The following ENOX1 variants were observed in gnomAD, a reference collection of about 807,000 sequenced individuals.
ENOX1 encodes the protein candidate growth-related and time keeping constitutive hydroquinone (NADH) oxidase.
A neutral mutation model predicts 82.5 loss-of-function variants in ENOX1; 42 were observed. The ratio of observed to expected loss-of-function variants is 0.51; its 90% confidence interval spans 0.40 to 0.66. The LOEUF (loss-of-function observed/expected upper bound fraction) is 0.66. Ranked by LOEUF, ENOX1 falls within the 30% of genes least tolerant of loss-of-function variation. ENOX1 has a pLI of 0.00. For synonymous variants in ENOX1, 271 were observed against 282.2 expected (o/e 0.96, Z 0.40); for missense variants, 608 against 811.6 (o/e 0.75, Z 3.05).
intron 10 of ENOX1, 47 bp downstream of exon 10, chr13:43,326,372 A>G (rs763791426): frequency 2.0e-6 from 3 of 1,533,934 alleles, no homozygotes; most frequent in Middle Eastern, 1.7e-4. Context: ...TTCTCTGCCA[A>G]TCCAGCTGTG....
chr13:43,295,629 T>C lies in ENOX1; in HGVS notation c.1446+2717A>G, dbSNP rs188775711. On this transcript the variant is annotated intron_variant, in intron 12 of 16. Transcript: ENST00000690772. Reference sequence around the variant, plus strand: ...CAGAAATAATTTCCCAAACATAGACTGGAAATGGTGACATATGGGAGGCTG... The same window carrying C: ...CAGAAATAATTTCCCAAACATAGACCGGAAATGGTGACATATGGGAGGCTG... Among the ~76,000 whole-genome samples the C allele has an allele frequency of 2.4e-3, 372 of 152,314 alleles. 1 individual carries two copies. Among genetic ancestry groups the C allele is most frequent in the Non-Finnish European group, 4.0e-3 (271 of 68,032 alleles).
chr13:43,708,194 T>A (rs1053281262), intron 1 of ENOX1, among the ~76,000 whole-genome samples: 3 of 152,312 alleles, frequency 2.0e-5, no homozygotes, highest in Admixed American at 6.5e-5. Flanking sequence ...TAGGAACATT[T>A]GTCTGGTGAG....
chr13:43,434,635 T>C (rs527934178), intron 3 of ENOX1, among the ~76,000 whole-genome samples: 10 of 152,324 alleles, frequency 6.6e-5, no homozygotes, highest in African/African-American at 2.4e-4. Flanking sequence ...CTTTGAGTCA[T>C]GTGAAATTGA....
intron 2 of ENOX1, among the ~76,000 whole-genome samples, chr13:43,574,840 C>T (rs1368958181): frequency 2.6e-5 from 4 of 152,200 alleles, no homozygotes; most frequent in African/African-American, 9.7e-5. Flanking sequence ...CAGCGAGACA[C>T]TGGGTGTGTA....
intron 3 of ENOX1, among the ~76,000 whole-genome samples, chr13:43,470,329 TGTATATATATAC>T (rs2057971824): frequency 4.9e-5 from 3 of 61,122 alleles, no homozygotes; most frequent in South Asian, 6.6e-4. Flanking sequence ...CATATATATA[TGTATATATATAC>T]GTATATATAT....
At chr13:43,376,144 T>C (rs1257008672) in intron 5 of ENOX1, among the ~76,000 whole-genome samples, 2 of 152,206 alleles carry the variant, frequency 1.3e-5, no homozygotes, top group Non-Finnish European at 2.9e-5. Flanking sequence ...CCAAAACAGA[T>C]CTTCATGTTT....
Position 43,412,737 on chromosome 13 carries a change from T to C in ENOX1, c.70+108A>G, listed in dbSNP as rs563235388. 203 of 1,265,624 alleles carry C rather than the reference T, an allele frequency of 1.6e-4. 1 individual carries two copies. The African/African-American group carries it at 2.8e-3, about 18-fold the overall frequency. The allele number at this position is 1,265,624 out of a possible 1,614,324, so 78.4% of individuals were successfully genotyped here. The stretch of plus-strand genomic sequence containing the variant: ...CTAGTTCTACAGACTGATTTCTTTA[T>C]GGGCCCAGGCTCCTGGTTCAATGCA... On this transcript the variant is annotated intron_variant, in intron 4 of 16. Coordinates refer to ENST00000690772, the MANE Select transcript of ENOX1 (RefSeq NM_001347969.2).
intron 2 of ENOX1, among the ~76,000 whole-genome samples, chr13:43,639,259 G>A (rs1419882766): frequency 2.0e-5 from 3 of 152,050 alleles, no homozygotes; most frequent in East Asian, 1.9e-4. Context: ...CTGAGACGGC[G>A]CCACTGCACT....
chr13:43,232,947 T>TA (rs988371604), intron 15 of ENOX1, among the ~76,000 whole-genome samples: 7 of 152,010 alleles, frequency 4.6e-5, no homozygotes, highest in African/African-American at 1.7e-4. Context: ...AGCTTGTCAA[T>TA]AAAAAAAATT....
chr13:43,589,316 C>T (rs1487301926), intron 2 of ENOX1, among the ~76,000 whole-genome samples: 2 of 151,174 alleles, frequency 1.3e-5, no homozygotes, highest in Non-Finnish European at 2.9e-5. Context: ...ACCTCACCCT[C>T]AGTGAAAGAG....
chr13:43,771,807 C>G (rs953428021), intron 1 of ENOX1, among the ~76,000 whole-genome samples: 17 of 151,658 alleles, frequency 1.1e-4, no homozygotes, highest in Non-Finnish European at 2.4e-4. Context: ...CTCTGTCGCC[C>G]AGGTTGGAGT....
intron 3 of ENOX1, among the ~76,000 whole-genome samples, chr13:43,423,513 C>T (rs900002240): frequency 4.6e-5 from 7 of 152,190 alleles, no homozygotes; most frequent in African/African-American, 1.4e-4. Flanking sequence ...CCTACTTCTC[C>T]CAGATAAACA....
chr13:43,315,776 T>C (rs2047443553), intron 11 of ENOX1, among the ~76,000 whole-genome samples: 1 of 152,196 alleles, frequency 6.6e-6, no homozygotes, highest in Non-Finnish European at 1.5e-5. Context: ...TGCATCTTAT[T>C]ACATAAATAT....
chr13:43,480,058 C>G (rs1482466215), intron 3 of ENOX1, among the ~76,000 whole-genome samples: 1 of 151,814 alleles, frequency 6.6e-6, no homozygotes, highest in African/African-American at 2.4e-5. Context: ...GCCATAGCCT[C>G]CTGAAGTAGC....
At chr13:43,384,465 A>C (rs2052276838) in intron 5 of ENOX1, among the ~76,000 whole-genome samples, 1 of 152,168 alleles carries the variant, frequency 6.6e-6, no homozygotes, top group Non-Finnish European at 1.5e-5. Context: ...ATATTATCTT[A>C]TTCATTCCCA....
At chr13:43,313,936 T>C (rs1283820051) in intron 11 of ENOX1, among the ~76,000 whole-genome samples, 1 of 152,116 alleles carries the variant, frequency 6.6e-6, no homozygotes, top group Non-Finnish European at 1.5e-5. Context: ...ATGCCCCAAG[T>C]AGAAAGCAAG....
At chr13:43,622,304 G>A (rs1196816598) in intron 2 of ENOX1, among the ~76,000 whole-genome samples, 1 of 152,128 alleles carries the variant, frequency 6.6e-6, no homozygotes, top group Non-Finnish European at 1.5e-5. Flanking sequence ...GATATTTTTG[G>A]GGGGTGTCGA....
chr13:43,770,680 T>G (rs1043691725), intron 1 of ENOX1, among the ~76,000 whole-genome samples: 2 of 125,290 alleles, frequency 1.6e-5, no homozygotes, highest in Non-Finnish European at 3.4e-5. Context: ...ATAGTATACG[T>G]ATGTGTACAC....
chr13:43,294,288 T>C (rs1308756819), intron 12 of ENOX1, among the ~76,000 whole-genome samples: 1 of 152,234 alleles, frequency 6.6e-6, no homozygotes, highest in East Asian at 1.9e-4. Flanking sequence ...TATTTATTAG[T>C]CCTGTCAATA....
Sources: allele counts gnomAD v4.1 joint callset (sites outside exome capture counted in the v4.1 genomes callset), GRCh38; gene constraint gnomAD v4.1.1; transcripts MANE v1.5; gene names NCBI Gene and HGNC (gene_info 2026-07-23, HGNC 2026-07-21).